Variants in RALY observed in about 807,000 individuals in gnomAD.
RALY encodes the protein RALY heterogeneous nuclear ribonucleoprotein, also known as RNA-binding protein Raly.
Under a neutral mutation model 30.7 loss-of-function variants are expected in RALY, and 15 were observed. The observed-to-expected ratio is 0.49, with a 90% CI of 0.33 to 0.75. The LOEUF (loss-of-function observed/expected upper bound fraction) is 0.75. RALY is among the 30% of genes least tolerant of loss of function. The pLI is 0.02. For missense variants in RALY, 339 were observed against 414.3 expected (o/e 0.82, Z 1.58); for synonymous variants, 177 against 170.8 (o/e 1.04, Z -0.28).
chr20:34,021,032 G>A (rs1275038810), intron 1 of RALY, among the ~76,000 whole-genome samples: 1 of 151,970 alleles, frequency 6.6e-6, no homozygotes, highest in Non-Finnish European at 1.5e-5. Context: ...TGCAATCTTG[G>A]CTCACTGCAA....
At chr20:34,015,627 A>G (rs2031577270) in intron 1 of RALY, among the ~76,000 whole-genome samples, 1 of 151,690 alleles carries the variant, frequency 6.6e-6, no homozygotes, top group Non-Finnish European at 1.5e-5. Context: ...GGGTGTCATT[A>G]TCATTTTATT....
chr20:34,080,260 A>G lies in RALY; in HGVS notation c.*355A>G, dbSNP rs928735495. On this transcript the variant is annotated 3_prime_UTR_variant, in exon 10 of 10. Coordinates refer to ENST00000246194, the MANE Select transcript of RALY (RefSeq NM_016732.3). Reference sequence around the variant, plus strand: ...CCTGACAATAAAGAGATTGGATCCCAACCTGTTCTGAGATGGGATGGTTTG... The same window carrying G: ...CCTGACAATAAAGAGATTGGATCCCGACCTGTTCTGAGATGGGATGGTTTG... 2.6e-5 allele frequency: 4 copies of G among 152,296 alleles called. No individual in the cohort carries two copies. Among genetic ancestry groups the G allele is most frequent in the Admixed American group, 1.3e-4 (2 of 15,284 alleles). The allele number at this position is 152,296 out of a possible 1,614,324, so 9.4% of individuals were successfully genotyped here.
chr20:34,001,798 G>A (rs962716896), intron 1 of RALY, among the ~76,000 whole-genome samples: 7 of 151,922 alleles, frequency 4.6e-5, no homozygotes, highest in African/African-American at 9.7e-5. Context: ...ACGGAGTCTC[G>A]CTCTGTTGCT....
rs184254379 is a variant in RALY, at chr20:34,070,074, A to G, written c.-9-1992A>G. Among the ~76,000 whole-genome samples the G allele has an allele frequency of 4.3e-4, 65 of 152,240 alleles. 2 individuals carry two copies. In the South Asian group the frequency reaches 9.6e-3, roughly 22 times the overall value. On this transcript the variant is annotated intron_variant, in intron 2 of 9. Coordinates refer to ENST00000246194, the MANE Select transcript of RALY (RefSeq NM_016732.3). ...CCAGGCTGGGAGGATTTAAGAGAAA[A>G]AGAGTCTCTTATCCCCTAGTGGGAT...
rs1158597772 is a variant in RALY at position 34,073,924 on chromosome 20, A to AC, written c.377+58_377+59insC. The AC allele has an allele frequency of 1.9e-6, 3 of 1,571,864 alleles. No homozygotes were observed. In the East Asian group the frequency reaches 6.7e-5, roughly 35 times the overall value. ...ACAGCCAAGCTGGAAGGGTCTTGAG[A>AC]GATTGTTGGTGCAGCCCACTGAGTT... On this transcript the variant is annotated intron_variant, in intron 5 of 9. Coordinates refer to ENST00000246194, the MANE Select transcript of RALY (RefSeq NM_016732.3).
chr20:34,055,028 T>G (rs1432248589), intron 2 of RALY, among the ~76,000 whole-genome samples: 1 of 152,154 alleles, frequency 6.6e-6, no homozygotes, highest in East Asian at 1.9e-4. Context: ...ACAACAGCCT[T>G]ATGGAGAAAG....
intron 2 of RALY, among the ~76,000 whole-genome samples, chr20:34,060,463 G>A (rs1278252480): frequency 6.6e-6 from 1 of 152,222 alleles, no homozygotes; most frequent in Non-Finnish European, 1.5e-5. Flanking sequence ...ACCTGTAGCA[G>A]CAGGAGCTAA....
At chr20:34,076,520 G>A (rs1601514794) in intron 6 of RALY, among the ~76,000 whole-genome samples, 182 bp from the exon 7 acceptor site, 1 of 152,228 alleles carries the variant, frequency 6.6e-6, no homozygotes, top group Non-Finnish European at 1.5e-5. Context: ...AGAAGTGTGT[G>A]CTGTCACTGT....
chr20:34,028,871 T>A (rs796749002), intron 1 of RALY, among the ~76,000 whole-genome samples: 1 of 152,026 alleles, frequency 6.6e-6, no homozygotes, highest in African/African-American at 2.4e-5. Flanking sequence ...ACCAAAAATA[T>A]GAGAGCTGGA....
At chr20:33,999,802 A>G (rs537843884) in intron 1 of RALY, among the ~76,000 whole-genome samples, 27 of 152,046 alleles carry the variant, frequency 1.8e-4, no homozygotes, top group African/African-American at 6.0e-4. Context: ...AAGGGTTTCT[A>G]TTAGGGATAG....
chr20:34,045,884 C>A (rs1182863285), intron 2 of RALY, among the ~76,000 whole-genome samples: 1 of 152,114 alleles, frequency 6.6e-6, no homozygotes, highest in Admixed American at 6.5e-5. Flanking sequence ...AACTTGATTT[C>A]TTTTCCCCAG....
chr20:34,027,268 C>T (rs1245016069), intron 1 of RALY, among the ~76,000 whole-genome samples: 1 of 152,188 alleles, frequency 6.6e-6, no homozygotes, highest in Admixed American at 6.5e-5. Context: ...CAAATGCTAG[C>T]TTTGTTGCTT....
intron 2 of RALY, among the ~76,000 whole-genome samples, chr20:34,059,067 A>G (rs1423612818): frequency 2.0e-5 from 3 of 152,090 alleles, no homozygotes; most frequent in African/African-American, 7.2e-5. Context: ...ACACTGTGGG[A>G]GATGATGCTT....
intron 1 of RALY, among the ~76,000 whole-genome samples, chr20:34,015,464 TG>T (rs992966399): frequency 6.6e-6 from 1 of 152,144 alleles, no homozygotes; most frequent in Non-Finnish European, 1.5e-5. Flanking sequence ...TCCAAGTCTT[TG>T]GGTGGAGATG....
At chr20:34,029,370 G>A (rs764452944) in intron 1 of RALY, among the ~76,000 whole-genome samples, 73 of 151,954 alleles carry the variant, frequency 4.8e-4, no homozygotes, top group Non-Finnish European at 9.1e-4. Context: ...CCGGGGGGCC[G>A]GGGGTTGCAG....
chr20:34,072,587 A>G (rs1017336617), intron 3 of RALY, among the ~76,000 whole-genome samples: 1 of 152,228 alleles, frequency 6.6e-6, no homozygotes, highest in African/African-American at 2.4e-5. Context: ...AGTTCCAGTT[A>G]AAATGCAGAT....
At position 34,028,853 on chromosome 20, in the gene RALY, C is replaced by G. The variant is rs116180990; in HGVS notation, c.-92-2669C>G. ...AAGAAGGGCAATTCCAGTGAGACAA[C>G]AGTGTGGACCAAAAATATGAGAGCT... On this transcript the variant is annotated intron_variant, in intron 1 of 9. Coordinates refer to ENST00000246194, the MANE Select transcript of RALY (RefSeq NM_016732.3). Among the ~76,000 whole-genome samples the G allele has an allele frequency of 2.3e-3, 341 of 151,100 alleles. 2 individuals are homozygous for G. Among genetic ancestry groups the G allele is most frequent in the African/African-American group, 7.6e-3 (312 of 41,100 alleles).
intron 2 of RALY, chr20:34,049,127 C>T (rs930675367): frequency 6.5e-6 from 1 of 153,680 alleles, no homozygotes; most frequent in African/African-American, 2.4e-5. Context: ...CCAGATTCAG[C>T]TTTCCCTTCA....
At position 34,050,588 on chromosome 20, in the gene RALY, T is replaced by C. The variant is rs143852070; in HGVS notation, c.-10+18984T>C. 4.2e-3 allele frequency among the ~76,000 whole-genome samples: 645 copies of C among 152,344 alleles called. 6 individuals carry two copies. The highest frequency in any genetic ancestry group is 0.015 in the African/African-American group (616 of 41,574). On this transcript the variant is annotated intron_variant, in intron 2 of 9. Coordinates refer to ENST00000246194, the MANE Select transcript of RALY (RefSeq NM_016732.3). ...CCCTGCACCCAACTACTTCTGTGTC[T>C]GTGCCTAGGCCCTTGTCAGGGTAGT... is the stretch of plus-strand genomic sequence containing the variant.
Sources: gnomAD v4.1 joint callset for allele counts (sites outside exome capture counted in the v4.1 genomes callset) on GRCh38, gnomAD v4.1.1 for gene constraint, MANE v1.5 for transcripts, NCBI Gene and HGNC (gene_info 2026-07-23, HGNC 2026-07-21) for gene names.